PAM: variants seen among roughly 807,000 people sequenced by gnomAD.
The protein encoded by PAM is peptidylglycine alpha-amidating monooxygenase, also known as peptidyl-glycine alpha-amidating monooxygenase.
In PAM, 72 loss-of-function variants were observed where a neutral mutation model predicts 122.1. That is an observed-to-expected ratio of 0.59 (90% CI 0.49 to 0.72). The LOEUF is 0.72. Ranked by LOEUF, PAM falls within the 30% of genes least tolerant of loss-of-function variation. PAM has a pLI of 0.00. For synonymous variants in PAM, 389 were observed against 404.4 expected (o/e 0.96, Z 0.46); for missense variants, 1,106 against 1,183.7 (o/e 0.93, Z 0.96).
chr5:102,879,118 G>A (rs7735820), intron 3 of PAM, among the ~76,000 whole-genome samples: 8 of 151,818 alleles, frequency 5.3e-5, no homozygotes, highest in Non-Finnish European at 1.0e-4. Context: ...TTTTAGTAGA[G>A]ACGGGGTTTC....
intron 1 of PAM, among the ~76,000 whole-genome samples, chr5:102,810,254 C>T (rs1442749525): frequency 4.6e-5 from 7 of 152,108 alleles, no homozygotes; most frequent in African/African-American, 1.4e-4. Flanking sequence ...CTTTTGCTGA[C>T]TTGATTGATA....
intron 4 of PAM, among the ~76,000 whole-genome samples, chr5:102,906,336 T>C (rs1799541612): frequency 6.6e-6 from 1 of 151,694 alleles, no homozygotes; most frequent in Admixed American, 6.6e-5. Flanking sequence ...AGTCAACTCT[T>C]AAAAGATCAC....
At chr5:102,755,493 G>A (rs370200116) in intron 1 of PAM, 145 bp downstream of exon 1, 1 of 135,722 alleles carries the variant, frequency 7.4e-6, no homozygotes, top group Non-Finnish European at 1.6e-5. Context: ...CTCCCGGGCT[G>A]CCCGGGTCGG....
intron 23 of PAM, among the ~76,000 whole-genome samples, chr5:103,022,523 A>G (rs1267515335): frequency 3.3e-5 from 5 of 152,210 alleles, no homozygotes; most frequent in African/African-American, 1.2e-4. Flanking sequence ...TTAAAGAAGA[A>G]GAAAAACTGT....
intron 4 of PAM, among the ~76,000 whole-genome samples, chr5:102,911,279 A>G (rs996208441): frequency 7.9e-5 from 12 of 152,090 alleles, no homozygotes; most frequent in African/African-American, 2.6e-4. Context: ...TACTTCTAAT[A>G]TACTTAGCAT....
intron 1 of PAM, among the ~76,000 whole-genome samples, chr5:102,818,147 TTAACA>T (rs979401769): frequency 2.0e-4 from 31 of 151,264 alleles, no homozygotes; most frequent in African/African-American, 5.8e-4. Context: ...CTTGTCAAAT[TTAACA>T]TAACATATTG....
intron 1 of PAM, among the ~76,000 whole-genome samples, chr5:102,816,298 C>T (rs546622014): frequency 2.0e-5 from 3 of 152,224 alleles, no homozygotes; most frequent in South Asian, 4.1e-4. Context: ...GCCACAAAAG[C>T]AGCATTGGGC....
At chr5:102,860,304 G>A (rs1283835144) in intron 1 of PAM, among the ~76,000 whole-genome samples, 1 of 152,142 alleles carries the variant, frequency 6.6e-6, no homozygotes, top group Non-Finnish European at 1.5e-5. Flanking sequence ...CTGGTATAAG[G>A]TGTTCACAAA....
rs142200170 is a variant in PAM at position 102,790,776 on chromosome 5, AT to A, written c.-374+35431del. ...TAATTTTATTTTTCTGAGCAATTAT[AT>A]TTCCCCCCATTGTTTTCTTGAATTA... On this transcript the variant is annotated intron_variant, in intron 1 of 25. Coordinates refer to ENST00000438793, the MANE Select transcript of PAM (RefSeq NM_001177306.2). Among the ~76,000 whole-genome samples, 1,060 of 152,146 alleles carry A rather than the reference AT, an allele frequency of 7.0e-3. 9 individuals are homozygous for A. Among genetic ancestry groups the A allele is most frequent in the Non-Finnish European group, 0.013 (882 of 67,922 alleles).
intron 7 of PAM, among the ~76,000 whole-genome samples, chr5:102,932,694 T>C (rs925674563): frequency 6.6e-6 from 1 of 151,230 alleles, no homozygotes; most frequent in African/African-American, 2.4e-5. Flanking sequence ...ATATTACGTG[T>C]CTTAGGAAGT....
intron 21 of PAM, among the ~76,000 whole-genome samples, chr5:103,011,369 A>T (rs367770555): frequency 7.1e-6 from 1 of 140,744 alleles, no homozygotes; most frequent in African/African-American, 2.7e-5. Flanking sequence ...CACACACACA[A>T]ACACACACTC....
In PAM at chr5:102,882,092, T is replaced by TACACAC. The variant is rs1791409322; in HGVS notation, c.210+14700_210+14701insCACACA. ...ATATATATATATATATATATATATA[T>TACACAC]ATATATATATATATATATACACCAC... On this transcript the variant is annotated intron_variant, in intron 3 of 25. Transcript: ENST00000438793. Among the ~76,000 whole-genome samples, 8 of 97,442 alleles carry TACACAC rather than the reference T, an allele frequency of 8.2e-5. 1 individual carries two copies. The highest frequency in any genetic ancestry group is 4.3e-4 in the African/African-American group (8 of 18,480). 63.9% of individuals were successfully genotyped at this position (97,442 alleles called of 152,430 possible). A position where few individuals can be genotyped will look rare whatever the true frequency, so the allele number is the denominator to read the frequency against.
chr5:102,913,407 C>T (rs1581635560), intron 4 of PAM, among the ~76,000 whole-genome samples: 1 of 151,760 alleles, frequency 6.6e-6, no homozygotes, highest in South Asian at 2.1e-4. Context: ...ATACATTTTC[C>T]ACTTTTATTT....
At chr5:102,988,226 T>C (rs1362347718) in intron 15 of PAM, among the ~76,000 whole-genome samples, 1 of 151,348 alleles carries the variant, frequency 6.6e-6, no homozygotes, top group Non-Finnish European at 1.5e-5. Flanking sequence ...ACCAAAATAT[T>C]CTCTGCCCAC....
At chr5:102,796,160 T>G (rs537204692) in intron 1 of PAM, among the ~76,000 whole-genome samples, 1 of 152,112 alleles carries the variant, frequency 6.6e-6, no homozygotes, top group Non-Finnish European at 1.5e-5. Flanking sequence ...AAGTTTTTAT[T>G]TGTTCAAGTT....
intron 1 of PAM, among the ~76,000 whole-genome samples, chr5:102,819,776 T>G (rs1037854133): frequency 2.0e-5 from 3 of 152,222 alleles, no homozygotes; most frequent in African/African-American, 7.2e-5. Flanking sequence ...TCTGAAAATG[T>G]GCAGTTCTGG....
chr5:102,995,126 G>T (rs1056809668), intron 16 of PAM, among the ~76,000 whole-genome samples: 5 of 152,094 alleles, frequency 3.3e-5, no homozygotes, highest in Non-Finnish European at 7.4e-5. Context: ...TAAGATATCT[G>T]CCTGGGTTAT....
Position 103,019,858 on chromosome 5 carries a change from T to A in PAM, c.2485+15T>A. Reference sequence around the variant, plus strand: ...GGAAATCAAAGGTTGGTCAGATTCCTCTTATTACTATAAAACCAAAGTCTG... The same window carrying A: ...GGAAATCAAAGGTTGGTCAGATTCCACTTATTACTATAAAACCAAAGTCTG... On this transcript the variant is annotated intron_variant, in intron 23 of 25. Transcript: ENST00000438793. 6.4e-7 allele frequency: 1 copy of A among 1,551,288 alleles called. No individual in the cohort carries two copies. Among genetic ancestry groups the A allele is most frequent in the Non-Finnish European group, 8.9e-7 (1 of 1,122,940 alleles).
chr5:102,996,678 T>G (rs1775800756), intron 16 of PAM, among the ~76,000 whole-genome samples: 1 of 152,206 alleles, frequency 6.6e-6, no homozygotes, highest in Non-Finnish European at 1.5e-5. Context: ...ACCAATCATC[T>G]GAGTAAATGA....
Sources: gnomAD v4.1 joint callset for allele counts (sites outside exome capture counted in the v4.1 genomes callset) on GRCh38, gnomAD v4.1.1 for gene constraint, MANE v1.5 for transcripts, NCBI Gene and HGNC (gene_info 2026-07-23, HGNC 2026-07-21) for gene names.